ZBBX: variants seen among roughly 807,000 people sequenced by gnomAD.
ZBBX encodes zinc finger B-box domain-containing protein 1.
Under a neutral mutation model 108.5 loss-of-function variants are expected in ZBBX, and 101 were observed. That is an observed-to-expected ratio of 0.93 (90% CI 0.79 to 1.10). The LOEUF (loss-of-function observed/expected upper bound fraction) is 1.10, where lower values mean the gene tolerates loss of function less well. Ranked by LOEUF, ZBBX falls within the 50% of genes least tolerant of loss-of-function variation. ZBBX has a pLI of 0.00. For synonymous variants in ZBBX, 356 were observed against 323.4 expected, an observed-to-expected ratio of 1.10 and a Z score of -1.08; for missense variants, 1,009 against 941.4, an observed-to-expected ratio of 1.07 and a Z score of -0.94.
chr3:167,378,857 C>A (rs539731467), intron 2 of ZBBX, among the ~76,000 whole-genome samples: 1 of 152,150 alleles, frequency 6.6e-6, no homozygotes, highest in African/African-American at 2.4e-5. Flanking sequence ...CCATCGAAAC[C>A]GAGCTTCTCC....
At chr3:167,385,606 G>A (rs528389960) in intron 1 of ZBBX, among the ~76,000 whole-genome samples, 51 of 151,534 alleles carry the variant, frequency 3.4e-4, no homozygotes, top group East Asian at 1.4e-3. Flanking sequence ...CAAACACATC[G>A]TACAGATGTA....
rs891539963 is a variant in ZBBX, at chr3:167,242,367, C to G, written c.2393+138G>C. The stretch of plus-strand genomic sequence containing the variant: ...CTCGATAATAGATCAGCAAAGGACC[C>G]AAACATTCTATAAAGAATGATCATA... On this transcript the variant is annotated intron_variant, in intron 21 of 21. Coordinates refer to ENST00000675490, the MANE Select transcript of ZBBX (RefSeq NM_001199201.2). The G allele has an allele frequency of 1.1e-5, 8 of 723,700 alleles. No individual in the cohort carries two copies. The African/African-American group carries it at 1.3e-4, about 11-fold the overall frequency. 44.8% of individuals were successfully genotyped at this position (723,700 alleles called of 1,614,324 possible).
chr3:167,238,682 T>C (rs1169518710), downstream of ZBBX, among the ~76,000 whole-genome samples: 1 of 152,020 alleles, frequency 6.6e-6, no homozygotes, highest in Non-Finnish European at 1.5e-5. Flanking sequence ...TCAGGGATAT[T>C]TTTCTGTTAA....
chr3:167,407,295 T>C (rs1381299820), intron 1 of ZBBX, among the ~76,000 whole-genome samples: 2 of 152,220 alleles, frequency 1.3e-5, no homozygotes, highest in Non-Finnish European at 2.9e-5. Flanking sequence ...TTTTTTGATA[T>C]TAATGCTAAA....
chr3:167,199,873 C>T, the ZBBX span, among the ~76,000 whole-genome samples: 41 of 152,188 alleles, frequency 2.7e-4, no homozygotes, highest in African/African-American at 9.6e-4. Flanking sequence ...TAAAATAACA[C>T]GAATTCATTT....
In ZBBX at chr3:167,322,027, T is replaced by C. The variant is rs930359111; in HGVS notation, c.983+90A>G. The C allele has an allele frequency of 1.3e-5, 10 of 741,916 alleles. No individual in the cohort carries two copies. In the African/African-American group the frequency reaches 1.5e-4, roughly 11 times the overall value. The allele number at this position is 741,916 out of a possible 1,614,324, so 46.0% of individuals were successfully genotyped here. Reference sequence around the variant, plus strand: ...TATGTATGCAAATATGAAATATACATATAAAATTGCTATAGGAAGGCATGT... The same window carrying C: ...TATGTATGCAAATATGAAATATACACATAAAATTGCTATAGGAAGGCATGT... On this transcript the variant is annotated intron_variant, in intron 12 of 21. Coordinates refer to ENST00000675490, the MANE Select transcript of ZBBX (RefSeq NM_001199201.2).
chr3:167,188,655 T>C, the ZBBX span, among the ~76,000 whole-genome samples: 1 of 152,202 alleles, frequency 6.6e-6, no homozygotes, highest in South Asian at 2.1e-4. Context: ...TCCTTTTCCT[T>C]TTGCTGACTT....
At chr3:167,254,746 A>G (rs2108379552) in intron 20 of ZBBX, among the ~76,000 whole-genome samples, 1 of 152,268 alleles carries the variant, frequency 6.6e-6, no homozygotes, top group Admixed American at 6.5e-5. Context: ...ACAGACAGAG[A>G]GAGAACCCTG....
chr3:167,292,958 G>T (rs1033287490), intron 18 of ZBBX, among the ~76,000 whole-genome samples: 1 of 152,154 alleles, frequency 6.6e-6, no homozygotes, highest in Admixed American at 6.5e-5. Context: ...AGAAGAAATG[G>T]ATAAATTCCT....
At chr3:167,273,211 T>C (rs1243859295) in intron 20 of ZBBX, among the ~76,000 whole-genome samples, 8 of 152,196 alleles carry the variant, frequency 5.3e-5, no homozygotes, top group Admixed American at 1.3e-4. Context: ...AGGCAAACTT[T>C]AGAAATTGAA....
chr3:167,370,751 C>T (rs1418701713), intron 4 of ZBBX, among the ~76,000 whole-genome samples: 1 of 152,020 alleles, frequency 6.6e-6, no homozygotes, highest in Non-Finnish European at 1.5e-5. Flanking sequence ...AAGGTTGATC[C>T]TTAGCTTTAT....
chr3:167,394,816 T>C (rs921872114), intron 1 of ZBBX, among the ~76,000 whole-genome samples: 2 of 152,092 alleles, frequency 1.3e-5, no homozygotes, highest in African/African-American at 2.4e-5. Flanking sequence ...GGTCCAATCA[T>C]GGAAATTCTG....
At chr3:167,200,862 C>A in the ZBBX span, among the ~76,000 whole-genome samples, 1 of 152,004 alleles carries the variant, frequency 6.6e-6, no homozygotes, top group East Asian at 1.9e-4. Flanking sequence ...GACATCCCAC[C>A]CATTTGGAAG....
At chr3:167,330,681 T>C (rs554781557) in intron 10 of ZBBX, among the ~76,000 whole-genome samples, 5 of 151,424 alleles carry the variant, frequency 3.3e-5, no homozygotes, top group Non-Finnish European at 4.4e-5. Context: ...TGTTTGAGCA[T>C]GGGAGGAGGT....
chr3:167,274,198 A>G (rs1727061799), intron 20 of ZBBX, among the ~76,000 whole-genome samples: 1 of 152,196 alleles, frequency 6.6e-6, no homozygotes, highest in South Asian at 2.1e-4. Context: ...AACTAGCTAA[A>G]AATTCTGGAA....
chr3:167,282,470 T>C lies in ZBBX; in HGVS notation c.2022A>G (p.Thr674=). ...CAGAGTTGGAAAGTGGAAAATTTGC[T>C]GTTGAAGGTCTCTGTGATTTCTGAC... ...KMGQKSQRPS[T]ANFPLSNSVK... is the part of the protein sequence containing the mutation. Residue 674 remains threonine, a synonymous_variant, in exon 20 of 22, where the codon ACA becomes ACG. Coordinates refer to ENST00000675490, the MANE Select transcript of ZBBX (RefSeq NM_001199201.2). The C allele has an allele frequency of 6.2e-7, 1 of 1,612,200 alleles. No individual in the cohort carries two copies. The highest frequency in any genetic ancestry group is 8.5e-7 in the Non-Finnish European group (1 of 1,179,232).
intron 20 of ZBBX, among the ~76,000 whole-genome samples, chr3:167,270,524 A>G (rs1726333922): frequency 6.6e-6 from 1 of 152,126 alleles, no homozygotes; most frequent in South Asian, 2.1e-4. Flanking sequence ...TTGTCAGTGT[A>G]AATAATGGAG....
chr3:167,261,632 C>T (rs1184044526), intron 20 of ZBBX, among the ~76,000 whole-genome samples: 1 of 152,050 alleles, frequency 6.6e-6, no homozygotes, highest in Middle Eastern at 3.4e-3. Flanking sequence ...AGTCACAAGC[C>T]TCATCCAGCT....
At chr3:167,250,433 T>C (rs537641880) in intron 20 of ZBBX, among the ~76,000 whole-genome samples, 1 of 152,352 alleles carries the variant, frequency 6.6e-6, no homozygotes, top group South Asian at 2.1e-4. Context: ...AGAATGTTGC[T>C]GTTAGTATAT....
Sources: allele counts gnomAD v4.1 joint callset (sites outside exome capture counted in the v4.1 genomes callset), GRCh38; gene constraint gnomAD v4.1.1; transcripts MANE v1.5; gene names NCBI Gene and HGNC (gene_info 2026-07-23, HGNC 2026-07-21).